The following SLC26A1 variants were observed in gnomAD, a reference collection of about 807,000 sequenced individuals.
SLC26A1 encodes solute carrier family 26 member 1.
SLC26A1 carries 18 observed loss-of-function variants against 14.5 expected under a neutral mutation model. That is an observed-to-expected ratio of 1.24 (90% CI 0.86 to 1.84). SLC26A1 has a LOEUF of 1.84. Ranked by LOEUF, SLC26A1 falls within the 40% of genes most tolerant of loss-of-function variation. The probability of loss-of-function intolerance (pLI) is 0.00; values close to 1 mark genes in which losing one functional copy is unlikely to be tolerated. For missense variants in SLC26A1, 1,049 were observed against 1,020.0 expected (o/e 1.03, Z -0.39); for synonymous variants, 505 against 492.0 (o/e 1.03, Z -0.35).
At chr4:990,467 G>T in intron 2 of SLC26A1, 105 bp from the exon 3 acceptor site, 2 of 1,142,916 alleles carry the variant, frequency 1.7e-6, no homozygotes, top group Non-Finnish European at 2.4e-6. Flanking sequence ...CACAGGACCT[G>T]ACAATTCTGT....
chr4:986,735 C>CT, downstream of SLC26A1: 1 of 468,120 alleles, frequency 2.1e-6, no homozygotes, highest in Non-Finnish European at 4.3e-6. Flanking sequence ...TCAGCCTGGG[C>CT]GACAAAGCAA....
At chr4:980,484 G>C (rs1485610498) in intron 2 of SLC26A1, among the ~76,000 whole-genome samples, 2 of 151,898 alleles carry the variant, frequency 1.3e-5, no homozygotes, top group Non-Finnish European at 2.9e-5. Context: ...TACTTGGGAG[G>C]CTGAGGCAGG....
chr4:985,382 C>A (rs889643475), downstream of SLC26A1, among the ~76,000 whole-genome samples: 1 of 96,938 alleles, frequency 1.0e-5, no homozygotes, highest in African/African-American at 3.1e-5. Context: ...GTGCCCTGGA[C>A]GGTTCCGTTC....
At position 989,818 on chromosome 4, in the gene SLC26A1, T is replaced by C. The variant is rs1279896143; in HGVS notation, c.1121A>G (p.Asn374Ser). The C allele has an allele frequency of 1.3e-6, 2 of 1,579,954 alleles. No homozygotes were observed. Among genetic ancestry groups the C allele is most frequent in the African/African-American group, 2.7e-5 (2 of 74,400 alleles). ...GCAGCCCACAGCCAGCAGCTCCTGG[T>C]TGGCACGCACAGAGTAGCCGTGACT... ...ARSHGYSVRA[N>S]QELLAVGCCN... The change falls in exon 3 of 3, where the codon AAC becomes AGC. Residue 374 changes from asparagine to serine, a missense_variant. Transcript: ENST00000398516.
In SLC26A1 at chr4:988,258, T is replaced by A; in HGVS notation, c.*575A>T. 2 of 1,241,604 alleles carry A rather than the reference T, an allele frequency of 1.6e-6. No homozygotes were observed. Among genetic ancestry groups the A allele is most frequent in the South Asian group, 4.1e-5 (2 of 48,470 alleles). 76.9% of individuals were successfully genotyped at this position (1,241,604 alleles called of 1,614,324 possible). On this transcript the variant is annotated 3_prime_UTR_variant, in exon 3 of 3. Transcript: ENST00000398516. ...TGCTGGCCAGGCTGGGTAGGGCCAC[T>A]GCACCTGAGGGCTGAGCTGAGGTCT...
chr4:989,889 G>A lies in SLC26A1; in HGVS notation c.1050C>T (p.Leu350=), dbSNP rs1018303848. 17 of 1,569,196 alleles carry A rather than the reference G, an allele frequency of 1.1e-5. No homozygotes were observed. The highest frequency in any genetic ancestry group is 4.7e-5 in the East Asian group (2 of 42,560). The stretch of plus-strand genomic sequence containing the variant: ...GCGAGATGGAGAAGGCGGCAGCCAC[G>A]AGGGCCAGGGCCACGGCATCCAAAG... ...RVALDAVALA[L]VAAAFSISLA... The change falls in exon 3 of 3, where the codon CTC becomes CTT. Residue 350 remains leucine (L), a synonymous_variant. Coordinates refer to ENST00000398516, the MANE Select transcript of SLC26A1 (RefSeq NM_022042.4).
At chr4:990,404 A>G in intron 2 of SLC26A1, 42 bp from the exon 3 acceptor site, 1 of 1,522,420 alleles carries the variant, frequency 6.6e-7, no homozygotes, top group Non-Finnish European at 8.9e-7. Flanking sequence ...GCCTGGCGGG[A>G]GCCACCTGCC....
intron 2 of SLC26A1, chr4:979,636 G>T (rs911381883): frequency 8.5e-7 from 1 of 1,179,488 alleles, no homozygotes; most frequent in Non-Finnish European, 1.2e-6. Context: ...GAGAGGAAGC[G>T]GAGGCGGGGT....
rs148200047 is a variant in SLC26A1 at position 989,154 on chromosome 4, C to T, written c.1785G>A (p.Pro595=). The T allele has an allele frequency of 4.9e-5, 78 of 1,607,656 alleles. No homozygotes were observed. The Admixed American group carries it at 5.2e-4, about 11-fold the overall frequency. Residue 595 remains proline (P), a synonymous_variant, in exon 3 of 3, where the codon CCG becomes CCA. Transcript: ENST00000398516. ...GCACCAGCGCAGCCCTGGTGCTAAC[C>T]GGGCCCAGGTCCTCGCCCTGGGCAG... ...GGPAQGEDLG[P]VSTRAALVPA...
downstream of SLC26A1, chr4:987,544 C>T: frequency 5.2e-6 from 6 of 1,143,096 alleles, no homozygotes; most frequent in Non-Finnish European, 3.6e-6. Flanking sequence ...TGTCCCATTC[C>T]TTCCACCTAG....
At position 988,142 on chromosome 4, in the gene SLC26A1, C is replaced by T. The variant is rs1415471684; in HGVS notation, c.*691G>A. The T allele has an allele frequency of 7.1e-6, 10 of 1,403,816 alleles. No homozygotes were observed. Among genetic ancestry groups the T allele is most frequent in the African/African-American group, 4.4e-5 (3 of 68,934 alleles). The allele number at this position is 1,403,816 out of a possible 1,614,324, so 87.0% of individuals were successfully genotyped here. ...CTGGAGGGAGCCCCTGCATGGGGCA[C>T]GGTGGGCTTCCTGCAGGTCTCCCTG... On this transcript the variant is annotated 3_prime_UTR_variant, in exon 3 of 3. Coordinates refer to ENST00000398516, the MANE Select transcript of SLC26A1 (RefSeq NM_022042.4).
At chr4:990,902 C>T (rs552159079) in intron 2 of SLC26A1, 16 of 534,460 alleles carry the variant, frequency 3.0e-5, no homozygotes, top group East Asian at 2.2e-4. Flanking sequence ...CATGGCCCAC[C>T]GGACTGGCTC....
downstream of SLC26A1, chr4:986,952 C>T (rs552532974): frequency 4.5e-4 from 338 of 743,078 alleles, 9 homozygotes; most frequent in African/African-American, 3.0e-3. Flanking sequence ...CAACCCCTCC[C>T]ACCCGGCCAT....
At chr4:986,069 A>G (rs1407458794), downstream of SLC26A1, among the ~76,000 whole-genome samples, 1 of 151,942 alleles carries the variant, frequency 6.6e-6, no homozygotes, top group Non-Finnish European at 1.5e-5. Flanking sequence ...ACAGGCATAT[A>G]CCATCGCATC....
downstream of SLC26A1, chr4:987,014 C>T (rs886059748): frequency 2.5e-4 from 358 of 1,456,786 alleles, 1 homozygote; most frequent in Non-Finnish European, 3.1e-4. Context: ...GGGGTGCGCG[C>T]CCAGACTCCG....
chr4:991,019 C>T (rs1714254570), intron 2 of SLC26A1, 109 bp downstream of exon 2: 3 of 1,159,808 alleles, frequency 2.6e-6, no homozygotes, highest in Non-Finnish European at 3.6e-6. Flanking sequence ...CTTGGGCCAG[C>T]ACCTCCTCTG....
chr4:989,828 C>A lies in SLC26A1; in HGVS notation c.1111G>T (p.Val371Leu). Reference sequence around the variant, plus strand: ...GCCAGCAGCTCCTGGTTGGCACGCACAGAGTAGCCGTGACTGCGGGCGAAC... The same window carrying A: ...GCCAGCAGCTCCTGGTTGGCACGCAAAGAGTAGCCGTGACTGCGGGCGAAC... ...EMFARSHGYSVRANQELLAVG... is the reference protein window; with the variant it reads ...EMFARSHGYSLRANQELLAVG... Residue 371 changes from valine (V) to leucine (L), a missense_variant, in exon 3 of 3, where the codon GTG becomes TTG. By Grantham distance (32) the Val-to-Leu change is conservative. Coordinates refer to ENST00000398516, the MANE Select transcript of SLC26A1 (RefSeq NM_022042.4). 6.3e-7 allele frequency: 1 copy of A among 1,580,470 alleles called. No individual in the cohort carries two copies. The highest frequency in any genetic ancestry group is 8.6e-7 in the Non-Finnish European group (1 of 1,164,158).
chr4:989,427 G>A lies in SLC26A1; in HGVS notation c.1512C>T (p.Arg504=). 1 of 1,555,232 alleles carries A rather than the reference G, an allele frequency of 6.4e-7. No homozygotes were observed. Among genetic ancestry groups the A allele is most frequent in the Non-Finnish European group, 8.7e-7 (1 of 1,149,770 alleles). The change falls in exon 3 of 3, where the codon CGC becomes CGT. Residue 504 remains arginine (R), a synonymous_variant. Coordinates refer to ENST00000398516, the MANE Select transcript of SLC26A1 (RefSeq NM_022042.4). ...GCAGGGCGGTGCGTGGGCGTTGGGT[G>A]CGGCCGGCCAGGCTGAGCAGCGAGA... ...VILSLLSLAG[R]TQRPRTALLA...
chr4:988,921 T>G lies in SLC26A1; in HGVS notation c.2018A>C (p.Glu673Ala). ...LGEGPGDTAE[E>A]EQLFLSVHDA... Reference sequence around the variant, plus strand: ...GTGCACACTGAGGAACAGCTGCTCCTCCTCAGCCGTGTCCCCGGGGCCCTC... The same window carrying G: ...GTGCACACTGAGGAACAGCTGCTCCGCCTCAGCCGTGTCCCCGGGGCCCTC... Residue 673 changes from glutamate (E) to alanine (A), a missense_variant, in exon 3 of 3, where the codon GAG becomes GCG. Physicochemically the swap from Glu to Ala is moderately radical, Grantham distance 107. Coordinates refer to ENST00000398516, the MANE Select transcript of SLC26A1 (RefSeq NM_022042.4). 1 of 1,603,150 alleles carries G rather than the reference T, an allele frequency of 6.2e-7. No individual in the cohort carries two copies.
Sources: allele counts gnomAD v4.1 joint callset (sites outside exome capture counted in the v4.1 genomes callset), GRCh38; gene constraint gnomAD v4.1.1; transcripts MANE v1.5; gene names NCBI Gene and HGNC (gene_info 2026-07-23, HGNC 2026-07-21).